Variants in RNF6 observed in about 807,000 individuals in gnomAD.
The protein encoded by RNF6 is ring finger protein 6, also known as E3 ubiquitin-protein ligase RNF6.
Under a neutral mutation model 50.1 loss-of-function variants are expected in RNF6, and 21 were observed. The observed-to-expected ratio is 0.42, with a 90% confidence interval of 0.30 to 0.60. RNF6 has a LOEUF of 0.60. RNF6 is among the 20% of genes least tolerant of loss of function. RNF6 has a pLI of 0.20. For missense variants in RNF6, 698 were observed against 838.2 expected (o/e 0.83, Z 2.07); for synonymous variants, 255 against 291.8 (o/e 0.87, Z 1.29).
intron 5 of RNF6, chr13:26,135,529 A>G (rs1173677662): frequency 1.3e-5 from 2 of 152,210 alleles, no homozygotes; most frequent in African/African-American, 2.4e-5. Context: ...TTTATCTGCC[A>G]TATCTTTAGA....
intron 5 of RNF6, among the ~76,000 whole-genome samples, chr13:26,193,059 A>T (rs12874823): frequency 0.086 from 13,024 of 152,246 alleles, 733 homozygotes; most frequent in Non-Finnish European, 0.12. Flanking sequence ...TAGGGGAACC[A>T]GTTTGAGCTG....
At chr13:26,166,402 G>A (rs933725616) in intron 5 of RNF6, among the ~76,000 whole-genome samples, 4 of 152,202 alleles carry the variant, frequency 2.6e-5, no homozygotes, top group African/African-American at 9.7e-5. Context: ...GAGGAAGAGA[G>A]GAAGTCAAAC....
chr13:26,155,521 G>C (rs1871871331), intron 5 of RNF6, among the ~76,000 whole-genome samples: 1 of 152,178 alleles, frequency 6.6e-6, no homozygotes, highest in Non-Finnish European at 1.5e-5. Context: ...CATCATATGA[G>C]TTAGGTATGG....
intron 5 of RNF6, among the ~76,000 whole-genome samples, chr13:26,160,990 A>C (rs1329599977): frequency 1.3e-5 from 2 of 152,180 alleles, no homozygotes; most frequent in Non-Finnish European, 2.9e-5. Context: ...CCCTATCTCC[A>C]AAAACAGCCA....
chr13:26,207,264 A>G (rs1427562198), intron 5 of RNF6, among the ~76,000 whole-genome samples: 2 of 152,066 alleles, frequency 1.3e-5, no homozygotes, highest in Non-Finnish European at 2.9e-5. Flanking sequence ...AAGATGAGAT[A>G]CCCTGCGAGG....
In RNF6 at chr13:26,214,400, C is replaced by G. The variant is rs1398483978; in HGVS notation, c.1482G>C (p.Leu494=). Residue 494 remains leucine, a synonymous_variant, in exon 5 of 5, where the codon CTG becomes CTC. Transcript: ENST00000381588. Reference sequence around the variant, plus strand: ...CAGAATCGGCCTCCATTAGAGAACTCAGTTCTCCAAACCCAGTCATGATCT... The same window carrying G: ...CAGAATCGGCCTCCATTAGAGAACTGAGTTCTCCAAACCCAGTCATGATCT... ...LRQIMTGFGE[L]SSLMEADSES... 8.1e-6 allele frequency: 13 copies of G among 1,614,002 alleles called. No individual in the cohort carries two copies. Among genetic ancestry groups the G allele is most frequent in the Non-Finnish European group, 1.1e-5 (13 of 1,180,026 alleles).
chr13:26,136,984 C>T lies in RNF6; in HGVS notation n.769-4533G>A, dbSNP rs150247361. 3.9e-3 allele frequency among the ~76,000 whole-genome samples: 601 copies of T among 152,254 alleles called. 5 individuals carry two copies. The highest frequency in any genetic ancestry group is 0.014 in the African/African-American group (563 of 41,550). ...TGTTTTAACTTGCTCTATTTCCATC[C>T]CCTGCTTTCTAGCTCAGTGGTAACT... On this transcript the variant is annotated intron_variant and non_coding_transcript_variant, in intron 5 of 5. Transcript: ENST00000468480.
chr13:26,181,073 TC>T (rs1277846358), intron 5 of RNF6, among the ~76,000 whole-genome samples: 1 of 152,078 alleles, frequency 6.6e-6, no homozygotes. Flanking sequence ...ACCTAGACCT[TC>T]CTCCATCAGC....
intron 5 of RNF6, among the ~76,000 whole-genome samples, chr13:26,179,517 GGA>G (rs1873132087): frequency 6.6e-6 from 1 of 152,164 alleles, no homozygotes. Flanking sequence ...TCCTGTTCTG[GGA>G]GGGACAAGGA....
At chr13:26,210,137 C>T (rs938233975), downstream of RNF6, among the ~76,000 whole-genome samples, 3 of 152,160 alleles carry the variant, frequency 2.0e-5, no homozygotes, top group Middle Eastern at 3.2e-3. Flanking sequence ...ATGTTCTCAA[C>T]GATAGATGAA....
intron 5 of RNF6, among the ~76,000 whole-genome samples, chr13:26,183,825 A>C (rs1873352966): frequency 6.7e-6 from 1 of 150,210 alleles, no homozygotes; most frequent in African/African-American, 2.4e-5. Context: ...GAAAATTCAT[A>C]AAAAATCTAC....
chr13:26,163,357 A>G (rs898848576), intron 5 of RNF6, among the ~76,000 whole-genome samples: 5 of 151,760 alleles, frequency 3.3e-5, no homozygotes, highest in African/African-American at 1.2e-4. Flanking sequence ...TTTCGTCCAT[A>G]CTCCTCACTT....
chr13:26,135,617 T>C (rs951901306), intron 5 of RNF6: 1 of 152,178 alleles, frequency 6.6e-6, no homozygotes, highest in Admixed American at 6.5e-5. Flanking sequence ...ATAAATGATA[T>C]TGAATTACTA....
rs761464741 is a variant in RNF6 at position 26,214,441 on chromosome 13, G to A, written c.1441C>T (p.Arg481Trp). ...GTCATGATCTGCCTTAAAATTGACCGAAGAGCCACTGATGATGGCTCAACA... is the reference window on the plus strand; with the variant it reads ...GTCATGATCTGCCTTAAAATTGACCAAAGAGCCACTGATGATGGCTCAACA... ...ELVEPSSVAL[R>W]SILRQIMTGF... The change falls in exon 5 of 5, where the codon CGG (arginine) becomes TGG (tryptophan). Residue 481 changes from arginine (R) to tryptophan (W), a missense_variant. Physicochemically the swap from Arg to Trp is moderately radical, Grantham distance 101. Coordinates refer to ENST00000381588, the MANE Select transcript of RNF6 (RefSeq NM_005977.4). The A allele has an allele frequency of 1.2e-5, 20 of 1,614,076 alleles. No homozygotes were observed. The highest frequency in any genetic ancestry group is 1.6e-4 in the Middle Eastern group (1 of 6,062).
At position 26,213,721 on chromosome 13, in the gene RNF6, C is replaced by CT. The variant is rs1869490704; in HGVS notation, c.*102dup. 1.1e-6 allele frequency: 1 copy of CT among 886,958 alleles called. No individual in the cohort carries two copies. Among genetic ancestry groups the CT allele is most frequent in the Admixed American group, 2.9e-5 (1 of 34,438 alleles). 54.9% of individuals were successfully genotyped at this position (886,958 alleles called of 1,614,324 possible). Reference sequence around the variant, plus strand: ...AAAAATAGTTCAAACTATATATAATCTGTTATTTTTCATCCTGGTTAGCTA... The same window carrying CT: ...AAAAATAGTTCAAACTATATATAATCTTGTTATTTTTCATCCTGGTTAGCTA... On this transcript the variant is annotated 3_prime_UTR_variant, in exon 5 of 5. Transcript: ENST00000381588.
At chr13:26,220,090 G>A (rs17071954) in intron 2 of RNF6, among the ~76,000 whole-genome samples, 8,970 of 152,214 alleles carry the variant, frequency 0.059, 890 homozygotes, top group African/African-American at 0.2. Flanking sequence ...ATACTGGGAT[G>A]ATATAATTTA....
chr13:26,201,184 C>A (rs1868883931), intron 5 of RNF6, among the ~76,000 whole-genome samples: 1 of 152,286 alleles, frequency 6.6e-6, no homozygotes, highest in East Asian at 1.9e-4. Context: ...CTGAGTCCAG[C>A]AAATTATGTA....
intron 5 of RNF6, among the ~76,000 whole-genome samples, chr13:26,199,774 C>T (rs1460872168): frequency 6.6e-6 from 1 of 151,940 alleles, no homozygotes; most frequent in Non-Finnish European, 1.5e-5. Context: ...GATGAAGATA[C>T]ATTAAAAAAT....
chr13:26,147,946 G>A (rs1871336385), intron 5 of RNF6, among the ~76,000 whole-genome samples: 1 of 152,154 alleles, frequency 6.6e-6, no homozygotes, highest in Non-Finnish European at 1.5e-5. Flanking sequence ...TGACAAAAAT[G>A]TTTAAGAGTG....
Sources: gnomAD v4.1 joint callset for allele counts (sites outside exome capture counted in the v4.1 genomes callset) on GRCh38, gnomAD v4.1.1 for gene constraint, MANE v1.5 for transcripts, NCBI Gene and HGNC (gene_info 2026-07-23, HGNC 2026-07-21) for gene names.